Variants in GPHN observed in about 807,000 individuals in gnomAD.
GPHN encodes the protein gephyrin.
Under a neutral mutation model 95.5 loss-of-function variants are expected in GPHN, and 17 were observed. That is an observed-to-expected ratio of 0.18 (90% CI 0.12 to 0.27). The LOEUF (loss-of-function observed/expected upper bound fraction) is 0.27, where lower values mean the gene tolerates loss of function less well. Ranked by LOEUF, GPHN falls within the 10% of genes least tolerant of loss-of-function variation. The pLI, the probability that GPHN is intolerant of heterozygous loss-of-function variation, is 1.00. For synonymous variants in GPHN, 320 were observed against 322.5 expected, an observed-to-expected ratio of 0.99 and a Z score of 0.08; for missense variants, 660 against 978.1, an observed-to-expected ratio of 0.67 and a Z score of 4.34.
the GPHN span, chr14:67,317,310 A>T: frequency 8.9e-7 from 1 of 1,119,744 alleles, no homozygotes; most frequent in Non-Finnish European, 1.3e-6. Flanking sequence ...AAAAAAATTT[A>T]AAGAATAAAT....
intron 5 of GPHN, among the ~76,000 whole-genome samples, chr14:66,900,050 G>T (rs2065051891): frequency 6.6e-6 from 1 of 151,768 alleles, no homozygotes; most frequent in South Asian, 2.1e-4. Context: ...ATATAGATTT[G>T]CTCCTAGTAT....
intron 1 of GPHN, among the ~76,000 whole-genome samples, chr14:66,635,457 A>G (rs1434701621): frequency 6.6e-6 from 1 of 152,212 alleles, no homozygotes; most frequent in Non-Finnish European, 1.5e-5. Context: ...TAACTTCATT[A>G]TTAAGTGTAT....
the GPHN span, among the ~76,000 whole-genome samples, chr14:67,606,750 G>A: frequency 2.6e-5 from 4 of 152,086 alleles, no homozygotes; most frequent in East Asian, 1.9e-4. Context: ...GGTTTCAAGC[G>A]ATTCTCCTGC....
chr14:66,924,159 C>A, intron 7 of GPHN, 35 bp from the exon 8 acceptor site: 1 of 1,110,506 alleles, frequency 9.0e-7, no homozygotes, highest in Non-Finnish European at 1.4e-6. Flanking sequence ...GTTTTCCTGT[C>A]ACTATATTCA....
chr14:67,442,265 A>G, the GPHN span, among the ~76,000 whole-genome samples: 2,117 of 152,224 alleles, frequency 0.014, 29 homozygotes, highest in Middle Eastern at 0.044. Flanking sequence ...AGGTCAACCC[A>G]CTGAACCAAG....
the GPHN span, among the ~76,000 whole-genome samples, chr14:67,442,227 C>G: frequency 2.0e-5 from 3 of 152,098 alleles, no homozygotes; most frequent in African/African-American, 7.2e-5. Flanking sequence ...TGCTGACACT[C>G]TGCAGCACCC....
rs765267813 is a variant in GPHN at position 66,599,392 on chromosome 14, A to ATTTTTTTTTTTTTTTTTTTTTTTTTTTT, written c.65-81699_65-81698insTTTTTTTTTTTTTTTTTTTTTTTTTTTT. On this transcript the variant is annotated intron_variant, in intron 1 of 22. Transcript: ENST00000478722. ...TCTCTGATTTTACATTTTTTTTTGC[A>ATTTTTTTTTTTTTTTTTTTTTTTTTTTT]TTTTTTTTTTTTTTTTGCTAGATGC... is the stretch of plus-strand genomic sequence containing the variant. Among the ~76,000 whole-genome samples the ATTTTTTTTTTTTTTTTTTTTTTTTTTTT allele has an allele frequency of 3.9e-5, 3 of 76,524 alleles. 1 individual carries two copies. Among genetic ancestry groups the ATTTTTTTTTTTTTTTTTTTTTTTTTTTT allele is most frequent in the African/African-American group, 1.4e-4 (2 of 13,906 alleles). 50.2% of individuals were successfully genotyped at this position (76,524 alleles called of 152,430 possible). A position where few individuals can be genotyped will look rare whatever the true frequency, so the allele number is the denominator to read the frequency against.
chr14:66,786,677 G>A (rs994837991), intron 3 of GPHN, among the ~76,000 whole-genome samples: 9 of 151,986 alleles, frequency 5.9e-5, no homozygotes. Context: ...TAAGTGCCAC[G>A]ACAATTTGAC....
intron 1 of GPHN, among the ~76,000 whole-genome samples, chr14:66,599,592 G>A (rs2062139449): frequency 6.6e-6 from 1 of 151,504 alleles, no homozygotes; most frequent in East Asian, 1.9e-4. Flanking sequence ...TTTATTGGTT[G>A]TTTTTGTTTT....
At chr14:67,060,699 C>T (rs1279558060) in intron 11 of GPHN, among the ~76,000 whole-genome samples, 1 of 152,184 alleles carries the variant, frequency 6.6e-6, no homozygotes, top group Non-Finnish European at 1.5e-5. Flanking sequence ...TTAATTGGCT[C>T]CTTTACAGGC....
the GPHN span, among the ~76,000 whole-genome samples, chr14:67,393,588 G>C: frequency 6.6e-6 from 1 of 152,014 alleles, no homozygotes; most frequent in African/African-American, 2.4e-5. Flanking sequence ...GGAGCAGCTG[G>C]GATTACAGAC....
intron 2 of GPHN, among the ~76,000 whole-genome samples, chr14:66,733,195 T>A (rs186439457): frequency 1.3e-5 from 2 of 152,106 alleles, no homozygotes; most frequent in East Asian, 3.9e-4. Flanking sequence ...CTGCTTGTGC[T>A]AGGTCTCTCT....
At chr14:67,274,187 A>G in the GPHN span, among the ~76,000 whole-genome samples, 1 of 152,134 alleles carries the variant, frequency 6.6e-6, no homozygotes, top group African/African-American at 2.4e-5. Flanking sequence ...TTAGTCATGA[A>G]GTCCTTGCCC....
intron 1 of GPHN, among the ~76,000 whole-genome samples, chr14:66,527,686 C>T (rs2058747860): frequency 6.6e-6 from 1 of 152,110 alleles, no homozygotes; most frequent in South Asian, 2.1e-4. Context: ...TCATTGGTTT[C>T]AAGGAACTTA....
chr14:67,458,909 T>C, the GPHN span, among the ~76,000 whole-genome samples: 1 of 151,986 alleles, frequency 6.6e-6, no homozygotes, highest in Non-Finnish European at 1.5e-5. Context: ...TTTTTTGAGA[T>C]GGAGTCTTGC....
the GPHN span, chr14:67,349,182 A>C: frequency 3.0e-6 from 4 of 1,331,678 alleles, no homozygotes; most frequent in Non-Finnish European, 4.2e-6. Flanking sequence ...TAGTTTTAAC[A>C]TTAAATGAGA....
chr14:67,466,098 A>T, the GPHN span, among the ~76,000 whole-genome samples: 4 of 152,244 alleles, frequency 2.6e-5, no homozygotes, highest in Admixed American at 1.3e-4. Context: ...AATTTGTTAC[A>T]GCAGTCCTAG....
intron 2 of GPHN, among the ~76,000 whole-genome samples, chr14:66,707,010 A>T (rs2069135580): frequency 6.6e-6 from 1 of 151,932 alleles, no homozygotes; most frequent in Non-Finnish European, 1.5e-5. Context: ...ATATTAACAG[A>T]CACTTCTCAA....
chr14:67,179,760 A>C, intron 22 of GPHN, 86 bp downstream of exon 22: 1 of 786,034 alleles, frequency 1.3e-6, no homozygotes, highest in South Asian at 1.4e-5. Context: ...GTTATGACTG[A>C]TTTTGTAATT....
Sources: allele counts gnomAD v4.1 joint callset (sites outside exome capture counted in the v4.1 genomes callset), GRCh38; gene constraint gnomAD v4.1.1; transcripts MANE v1.5; gene names NCBI Gene and HGNC (gene_info 2026-07-23, HGNC 2026-07-21).